Variants in NCKAP5 observed in about 807,000 individuals in gnomAD.
NCKAP5 encodes NCK associated protein 5.
Under a neutral mutation model 167.0 loss-of-function variants are expected in NCKAP5, and 92 were observed. That is an observed-to-expected ratio of 0.55 (90% CI 0.47 to 0.66). NCKAP5 has a LOEUF of 0.66. NCKAP5 is among the 30% of genes least tolerant of loss of function. NCKAP5 has a pLI of 0.00. For synonymous variants in NCKAP5, 891 were observed against 877.4 expected (o/e 1.02, Z -0.27); for missense variants, 2,378 against 2,315.0 (o/e 1.03, Z -0.56).
intron 2 of NCKAP5, among the ~76,000 whole-genome samples, chr2:133,550,428 C>T (rs1194790769): frequency 6.6e-6 from 1 of 151,848 alleles, no homozygotes; most frequent in East Asian, 1.9e-4. Context: ...CCCTGGGATG[C>T]AAGTCTGGTT....
At chr2:133,630,675 G>A in the NCKAP5 span, among the ~76,000 whole-genome samples, 1 of 152,162 alleles carries the variant, frequency 6.6e-6, no homozygotes, top group Admixed American at 6.5e-5. Context: ...GAATATGCCT[G>A]GGCTAGATTC....
At chr2:132,816,280 TA>T (rs1290418065) in intron 11 of NCKAP5, among the ~76,000 whole-genome samples, 2 of 151,866 alleles carry the variant, frequency 1.3e-5, no homozygotes, top group Admixed American at 6.6e-5. Flanking sequence ...GGCAGCAAGC[TA>T]AAAAAAGTGC....
chr2:133,549,968 C>T (rs1369655833), intron 2 of NCKAP5, among the ~76,000 whole-genome samples: 1 of 148,356 alleles, frequency 6.7e-6, no homozygotes, highest in South Asian at 2.2e-4. Context: ...ACTACAAACA[C>T]CTCTACGCAA....
intron 5 of NCKAP5, among the ~76,000 whole-genome samples, chr2:133,162,367 C>G (rs2083827485): frequency 6.6e-6 from 1 of 152,160 alleles, no homozygotes; most frequent in African/African-American, 2.4e-5. Flanking sequence ...TTAAAAAGTA[C>G]TGTACCAACA....
intron 12 of NCKAP5, among the ~76,000 whole-genome samples, chr2:132,794,688 CAT>C (rs1684440584): frequency 1.3e-5 from 2 of 151,308 alleles, no homozygotes; most frequent in African/African-American, 4.9e-5. Flanking sequence ...CACACATACA[CAT>C]GTGTCTTGGC....
At chr2:133,610,975 G>A in the NCKAP5 span, among the ~76,000 whole-genome samples, 1 of 152,102 alleles carries the variant, frequency 6.6e-6, no homozygotes, top group South Asian at 2.1e-4. Context: ...GTGCTTCAAT[G>A]ACAAGGGAAG....
chr2:132,780,796 T>C (rs540485414), intron 15 of NCKAP5, among the ~76,000 whole-genome samples: 21 of 152,322 alleles, frequency 1.4e-4, no homozygotes, highest in African/African-American at 4.8e-4. Context: ...TCACTGCGAT[T>C]ATACTCAACG....
upstream of NCKAP5, among the ~76,000 whole-genome samples, chr2:133,573,178 A>G (rs1269376240): frequency 1.3e-5 from 2 of 152,360 alleles, no homozygotes; most frequent in African/African-American, 2.4e-5. Flanking sequence ...TAGCCCTCTT[A>G]CATAAATCAA....
the NCKAP5 span, among the ~76,000 whole-genome samples, chr2:133,665,158 G>A: frequency 6.6e-6 from 1 of 152,180 alleles, no homozygotes; most frequent in Non-Finnish European, 1.5e-5. Flanking sequence ...TTGTCCACTG[G>A]AGTAACACTT....
At chr2:132,939,779 C>T (rs1452980389) in intron 8 of NCKAP5, among the ~76,000 whole-genome samples, 2 of 152,026 alleles carry the variant, frequency 1.3e-5, no homozygotes, top group African/African-American at 4.8e-5. Flanking sequence ...GTGGGTGGAT[C>T]ACTTGAGGCC....
chr2:133,657,423 T>C, the NCKAP5 span, among the ~76,000 whole-genome samples: 1 of 152,252 alleles, frequency 6.6e-6, no homozygotes, highest in Non-Finnish European at 1.5e-5. Flanking sequence ...CCTTTTAGCA[T>C]GCAACCTTTG....
intron 3 of NCKAP5, among the ~76,000 whole-genome samples, chr2:133,317,054 G>T (rs944574451): frequency 5.3e-5 from 8 of 152,068 alleles, no homozygotes; most frequent in African/African-American, 1.9e-4. Flanking sequence ...CCTGCCACTG[G>T]CCTCAGGAAA....
intron 11 of NCKAP5, among the ~76,000 whole-genome samples, chr2:132,803,077 A>C (rs1685160438): frequency 1.3e-5 from 2 of 152,240 alleles, no homozygotes; most frequent in South Asian, 4.1e-4. Flanking sequence ...TTTTTGGATA[A>C]AAGCTGATGT....
intron 3 of NCKAP5, among the ~76,000 whole-genome samples, chr2:133,464,822 G>A (rs1471735237): frequency 6.6e-6 from 1 of 152,062 alleles, no homozygotes; most frequent in Non-Finnish European, 1.5e-5. Context: ...TGTCTGGACT[G>A]AGACTTCAAC....
chr2:132,949,253 C>G (rs1162120938), intron 8 of NCKAP5, among the ~76,000 whole-genome samples: 3 of 152,122 alleles, frequency 2.0e-5, no homozygotes, highest in Non-Finnish European at 4.4e-5. Flanking sequence ...GCTTTGACAT[C>G]TGGGACCTTG....
At chr2:133,383,675 C>T (rs1686700754) in intron 3 of NCKAP5, among the ~76,000 whole-genome samples, 1 of 152,178 alleles carries the variant, frequency 6.6e-6, no homozygotes, top group African/African-American at 2.4e-5. Context: ...GTTTACAGTC[C>T]CACCAACAGT....
At chr2:133,205,342 T>G (rs183189074) in intron 5 of NCKAP5, among the ~76,000 whole-genome samples, 1 of 120,468 alleles carries the variant, frequency 8.3e-6, no homozygotes, top group African/African-American at 2.9e-5. Flanking sequence ...TAAAGATAGA[T>G]AGACAGGCAG....
At chr2:132,997,514 C>G (rs1251278913) in intron 6 of NCKAP5, among the ~76,000 whole-genome samples, 1 of 152,112 alleles carries the variant, frequency 6.6e-6, no homozygotes, top group African/African-American at 2.4e-5. Context: ...AAAAATCATT[C>G]TATCTATTTG....
intron 6 of NCKAP5, among the ~76,000 whole-genome samples, chr2:133,112,219 A>C (rs2081937750): frequency 6.6e-6 from 1 of 152,212 alleles, no homozygotes; most frequent in Non-Finnish European, 1.5e-5. Flanking sequence ...TCACACCTGT[A>C]ATCCCAGCAC....
Sources: allele counts gnomAD v4.1 joint callset (sites outside exome capture counted in the v4.1 genomes callset), GRCh38; gene constraint gnomAD v4.1.1; transcripts MANE v1.5; gene names NCBI Gene and HGNC (gene_info 2026-07-23, HGNC 2026-07-21).